The following FBN2 variants were observed in gnomAD, a reference collection of about 807,000 sequenced individuals.
FBN2 encodes fibrillin 2.
In FBN2, 105 loss-of-function variants were observed where a neutral mutation model predicts 355.6. The ratio of observed to expected loss-of-function variants is 0.30; its 90% CI spans 0.25 to 0.35. FBN2 has a LOEUF of 0.35. Among genes scored for constraint, FBN2 ranks in the 10% least tolerant of loss-of-function variants. FBN2 has a pLI of 1.00. For missense variants in FBN2, 3,280 were observed against 3,758.7 expected (o/e 0.87, Z 3.33); for synonymous variants, 1,350 against 1,301.2 (o/e 1.04, Z -0.81).
chr5:128,271,480 A>G (rs1367045286), intron 62 of FBN2, among the ~76,000 whole-genome samples: 1 of 152,206 alleles, frequency 6.6e-6, no homozygotes, highest in Non-Finnish European at 1.5e-5. Context: ...TTTATTTTAC[A>G]AACACTTCTG....
At chr5:128,297,554 A>G (rs1221899658) in intron 48 of FBN2, among the ~76,000 whole-genome samples, 1 of 151,446 alleles carries the variant, frequency 6.6e-6, no homozygotes, top group Non-Finnish European at 1.5e-5. Flanking sequence ...AGGACAGTTC[A>G]CTCTTCTTGT....
At chr5:128,514,023 A>AAT (rs58093837) in intron 5 of FBN2, among the ~76,000 whole-genome samples, 39,888 of 151,006 alleles carry the variant, frequency 0.26, 7,889 homozygotes, top group African/African-American at 0.56. Flanking sequence ...CAAGTGCAGA[A>AAT]ATGTGTGTGT....
At chr5:128,492,092 G>T (rs985279295) in intron 5 of FBN2, among the ~76,000 whole-genome samples, 1 of 152,074 alleles carries the variant, frequency 6.6e-6, no homozygotes, top group African/African-American at 2.4e-5. Flanking sequence ...AGTTAGAAAG[G>T]CATTCCAGTG....
At chr5:128,429,150 C>T (rs537173850) in intron 7 of FBN2, among the ~76,000 whole-genome samples, 1 of 152,288 alleles carries the variant, frequency 6.6e-6, no homozygotes, top group African/African-American at 2.4e-5. Flanking sequence ...TCAGGCTGTA[C>T]TCCTTACCTT....
intron 4 of FBN2, 131 bp from the exon 5 acceptor site, chr5:128,519,499 T>C: frequency 1.4e-6 from 1 of 728,588 alleles, no homozygotes; most frequent in East Asian, 2.7e-5. Flanking sequence ...CTGCAACTTG[T>C]ATAAATTACA....
chr5:128,305,984 T>A (rs749689754), intron 42 of FBN2, 36 bp from the exon 43 acceptor site: 5 of 1,591,402 alleles, frequency 3.1e-6, no homozygotes, highest in Admixed American at 1.7e-5. Context: ...TATATGTTGT[T>A]CTGTTTAATA....
At chr5:128,497,027 G>A (rs1016164215) in intron 5 of FBN2, among the ~76,000 whole-genome samples, 1 of 152,028 alleles carries the variant, frequency 6.6e-6, no homozygotes, top group Admixed American at 6.5e-5. Context: ...ATAAAACATT[G>A]TTGAAATAAA....
rs70997367 is a variant in FBN2, at chr5:128,313,852, CA to C, written c.4718-1058del. Among the ~76,000 whole-genome samples the C allele has an allele frequency of 8.6e-3, 415 of 48,236 alleles. 5 individuals are homozygous for C. The East Asian group carries it at 0.17, about 19-fold the overall frequency. The allele number at this position is 48,236 out of a possible 152,430, so 31.6% of individuals were successfully genotyped here. A position where few individuals can be genotyped will look rare whatever the true frequency, so the allele number is the denominator to read the frequency against. On this transcript the variant is annotated intron_variant, in intron 36 of 64. Transcript: ENST00000262464. ...TGGGCAACAGAGCGAGACTCTGTCT[CA>C]AAAAAAAAAAAAAAAAAAAAAAACA...
At chr5:128,363,492 C>T (rs1177736616) in intron 18 of FBN2, among the ~76,000 whole-genome samples, 1 of 152,128 alleles carries the variant, frequency 6.6e-6, no homozygotes, top group Non-Finnish European at 1.5e-5. Context: ...ATCCAGCTTG[C>T]ATCACAATTT....
chr5:128,479,660 C>T (rs1755100971), intron 5 of FBN2, among the ~76,000 whole-genome samples: 2 of 152,014 alleles, frequency 1.3e-5, no homozygotes, highest in Non-Finnish European at 2.9e-5. Flanking sequence ...GACCTGGTGG[C>T]TCATGTCTGA....
intron 16 of FBN2, 51 bp from the exon 17 acceptor site, chr5:128,366,481 C>A: frequency 9.1e-7 from 1 of 1,094,558 alleles, no homozygotes. Context: ...ATACCTATTC[C>A]ATATACAAGT....
chr5:128,448,396 T>C (rs1754132910), intron 6 of FBN2, among the ~76,000 whole-genome samples: 1 of 151,916 alleles, frequency 6.6e-6, no homozygotes, highest in Non-Finnish European at 1.5e-5. Context: ...AACCTCCACC[T>C]CCCAGGTTCA....
At chr5:128,480,062 TAATA>T (rs1755135659) in intron 5 of FBN2, among the ~76,000 whole-genome samples, 1 of 139,122 alleles carries the variant, frequency 7.2e-6, no homozygotes, top group Non-Finnish European at 1.5e-5. Flanking sequence ...TATGTATATA[TAATA>T]TATATATTCT....
At chr5:128,348,177 T>C (rs1342593494) in intron 23 of FBN2, among the ~76,000 whole-genome samples, 4 of 152,244 alleles carry the variant, frequency 2.6e-5, no homozygotes, top group Non-Finnish European at 4.4e-5. Flanking sequence ...CATTTCATTA[T>C]AGAAGGTAAC....
chr5:128,536,341 G>C (rs911865420), intron 2 of FBN2, 61 bp downstream of exon 2: 76 of 1,312,972 alleles, frequency 5.8e-5, no homozygotes, highest in Middle Eastern at 3.6e-4. Context: ...GAGTGCAAGA[G>C]GTCGGCCGGA....
At chr5:128,388,588 C>A (rs755571795) in intron 11 of FBN2, among the ~76,000 whole-genome samples, 1 of 152,130 alleles carries the variant, frequency 6.6e-6, no homozygotes, top group African/African-American at 2.4e-5. Context: ...TTCCCCTTCA[C>A]GTATGAAGCT....
At chr5:128,438,517 T>C (rs1320752383) in intron 7 of FBN2, among the ~76,000 whole-genome samples, 1 of 152,208 alleles carries the variant, frequency 6.6e-6, no homozygotes, top group Non-Finnish European at 1.5e-5. Flanking sequence ...ATAAAAGTAA[T>C]AGTTTTATGG....
At chr5:128,360,126 GAA>G (rs931531380) in intron 19 of FBN2, among the ~76,000 whole-genome samples, 1 of 151,790 alleles carries the variant, frequency 6.6e-6, no homozygotes, top group African/African-American at 2.4e-5. Context: ...AGACAAAACT[GAA>G]AAAAGACTAC....
intron 5 of FBN2, among the ~76,000 whole-genome samples, chr5:128,502,421 T>G (rs1755843566): frequency 6.6e-6 from 1 of 152,120 alleles, no homozygotes; most frequent in Non-Finnish European, 1.5e-5. Flanking sequence ...GATAATTGGA[T>G]CATATATACA....
Sources: gnomAD v4.1 joint callset for allele counts (sites outside exome capture counted in the v4.1 genomes callset) on GRCh38, gnomAD v4.1.1 for gene constraint, MANE v1.5 for transcripts, NCBI Gene and HGNC (gene_info 2026-07-23, HGNC 2026-07-21) for gene names.